The following PCBD1 variants were observed in gnomAD, a reference collection of about 807,000 sequenced individuals.
The protein encoded by PCBD1 is pterin-4-alpha-carbinolamine dehydratase.
In PCBD1, 16 loss-of-function variants were observed where a neutral mutation model predicts 12.6. The observed-to-expected ratio is 1.27, with a 90% CI of 0.86 to 1.93. The LOEUF (loss-of-function observed/expected upper bound fraction) is 1.93, where lower values mean the gene tolerates loss of function less well. PCBD1 is among the 30% of genes most tolerant of loss of function. The pLI is 0.00. For synonymous variants in PCBD1, 53 were observed against 50.2 expected, an observed-to-expected ratio of 1.05 and a Z score of -0.23; for missense variants, 86 against 130.1, an observed-to-expected ratio of 0.66 and a Z score of 1.65.
At chr10:70,887,732 G>A (rs1302863860) in intron 1 of PCBD1, 1 of 152,236 alleles carries the variant, frequency 6.6e-6, no homozygotes, top group Non-Finnish European at 1.5e-5. Flanking sequence ...GGCGAGGTGT[G>A]GGGAGTGGTT....
In PCBD1 at chr10:70,884,962, A is replaced by ATT. The variant is rs149984252; in HGVS notation, c.216+188_216+189dup. ...TTTGCATTTCTTTATAGTAAGACTGATTTTTTTTTCCCAGGGGTATTTATG... is the reference window on the plus strand; with the variant it reads ...TTTGCATTTCTTTATAGTAAGACTGATTTTTTTTTTTCCCAGGGGTATTTATG... On this transcript the variant is annotated intron_variant, in intron 3 of 3. Coordinates refer to ENST00000299299, the MANE Select transcript of PCBD1 (RefSeq NM_000281.4). Among the ~76,000 whole-genome samples the ATT allele has an allele frequency of 5.9e-5, 9 of 151,332 alleles. No homozygotes were observed. The South Asian group carries it at 1.9e-3, about 32-fold the overall frequency.
At chr10:70,885,527 C>T (rs1846568098) in intron 2 of PCBD1, among the ~76,000 whole-genome samples, 1 of 152,226 alleles carries the variant, frequency 6.6e-6, no homozygotes, top group Admixed American at 6.5e-5. Context: ...TGCATGGTTT[C>T]CACTTGAACT....
At chr10:70,885,693 G>T in intron 2 of PCBD1, 105 bp downstream of exon 2, 1 of 1,371,992 alleles carries the variant, frequency 7.3e-7, no homozygotes, top group Non-Finnish European at 1.0e-6. Flanking sequence ...GATGAGTGTG[G>T]TGTCTGAGAG....
Position 70,885,153 on chromosome 10 carries a change from T to G in PCBD1, c.215A>C (p.Lys72Thr). 6.2e-7 allele frequency: 1 copy of G among 1,612,610 alleles called. No individual in the cohort carries two copies. The highest frequency in any genetic ancestry group is 2.2e-5 in the East Asian group (1 of 44,870). The change falls in exon 3 of 4, where the codon AAG (lysine) becomes ACG (threonine). Residue 72 changes from lysine (K) to threonine (T), a missense_variant and splice_region_variant. Coordinates refer to ENST00000299299, the MANE Select transcript of PCBD1 (RefSeq NM_000281.4). ...ACAGAGGCACACAGCATCACTCACC[T>G]TGTTGTACACGTTAAACCATTCAGG... Reference protein sequence around the residue: ...HHPEWFNVYNKVHITLSTHEC... With the variant: ...HHPEWFNVYNTVHITLSTHEC...
intron 2 of PCBD1, 43 bp from the exon 3 acceptor site, chr10:70,885,275 AG>A (rs1846564994): frequency 6.7e-7 from 1 of 1,498,828 alleles, no homozygotes; most frequent in Non-Finnish European, 9.3e-7. Flanking sequence ...TCTAAGAGAA[AG>A]GACTTCTGGA....
intron 3 of PCBD1, 69 bp downstream of exon 3, chr10:70,885,083 C>G (rs895907370): frequency 7.7e-7 from 1 of 1,293,408 alleles, no homozygotes; most frequent in African/African-American, 1.5e-5. Context: ...CAAAAGCCTT[C>G]AGAATGTGTC....
chr10:70,884,887 T>C (rs1310846416), intron 3 of PCBD1, among the ~76,000 whole-genome samples: 1 of 152,206 alleles, frequency 6.6e-6, no homozygotes, highest in East Asian at 1.9e-4. Context: ...GCCTTCTTAA[T>C]GTCTACTTAA....
intron 1 of PCBD1, among the ~76,000 whole-genome samples, chr10:70,886,344 G>A (rs1446081134): frequency 6.6e-6 from 1 of 152,152 alleles, no homozygotes; most frequent in Admixed American, 6.5e-5. Flanking sequence ...CAACCTCTCA[G>A]GAAGAGTACC....
chr10:70,884,078 C>A (rs2131965922), intron 3 of PCBD1, 30 bp from the exon 4 acceptor site: 2 of 1,607,200 alleles, frequency 1.2e-6, no homozygotes, highest in East Asian at 4.5e-5. Flanking sequence ...TCTGCTTCCA[C>A]TGACTTCACT....
At chr10:70,887,349 T>G (rs949594170) in intron 1 of PCBD1, among the ~76,000 whole-genome samples, 1 of 152,186 alleles carries the variant, frequency 6.6e-6, no homozygotes, top group Non-Finnish European at 1.5e-5. Context: ...ACGTGAGCTC[T>G]CTCTGGACTG....
At chr10:70,885,100 CGCAG>C in intron 3 of PCBD1, 48 bp downstream of exon 3, 2 of 1,439,218 alleles carry the variant, frequency 1.4e-6, no homozygotes, top group South Asian at 2.3e-5. Flanking sequence ...TGTCAGAGTT[CGCAG>C]TATTTGGATG....
At chr10:70,886,511 G>A (rs1277885084) in intron 1 of PCBD1, among the ~76,000 whole-genome samples, 2 of 152,314 alleles carry the variant, frequency 1.3e-5, no homozygotes, top group African/African-American at 4.8e-5. Context: ...CAGTGATGGC[G>A]CAGTGTTGTC....
intron 1 of PCBD1, chr10:70,888,232 G>T (rs367751180): frequency 1.4e-4 from 44 of 316,756 alleles, no homozygotes; most frequent in African/African-American, 9.5e-4. Context: ...TGTCTTCCCC[G>T]GCCCAGGAAG....
chr10:70,885,065 G>A (rs2131967185), intron 3 of PCBD1, 87 bp downstream of exon 3: 1 of 1,095,230 alleles, frequency 9.1e-7, no homozygotes, highest in Middle Eastern at 2.9e-4. Flanking sequence ...AAGGCTCATT[G>A]TTAAGTCCAA....
chr10:70,885,048 G>A, intron 3 of PCBD1, 104 bp downstream of exon 3: 1 of 890,894 alleles, frequency 1.1e-6, no homozygotes, highest in South Asian at 1.3e-5. Flanking sequence ...ATGACCTATG[G>A]GTCAGGAAGG....
chr10:70,884,147 G>A, intron 3 of PCBD1, 99 bp from the exon 4 acceptor site: 1 of 1,236,598 alleles, frequency 8.1e-7, no homozygotes, highest in South Asian at 1.3e-5. Context: ...CTCCAGAATA[G>A]CAGCTGGCCA....
At position 70,883,965 on chromosome 10, in the gene PCBD1, T is replaced by G. The variant is rs1220297986; in HGVS notation, c.300A>C (p.Ala100=). 5 of 1,614,002 alleles carry G rather than the reference T, an allele frequency of 3.1e-6. No individual in the cohort carries two copies. Among genetic ancestry groups the G allele is most frequent in the Non-Finnish European group, 4.2e-6 (5 of 1,179,998 alleles). ...INLASFIEQV[A]VSMT The stretch of plus-strand genomic sequence containing the variant: ...AGGGCAGGGTCTATGTCATGGACAC[T>G]GCTACTTGTTCGATGAAGCTGGCCA... Residue 100 remains alanine (A), a synonymous_variant, in exon 4 of 4, where the codon GCA becomes GCC. Coordinates refer to ENST00000299299, the MANE Select transcript of PCBD1 (RefSeq NM_000281.4).
In PCBD1 at chr10:70,885,150, A is replaced by T; in HGVS notation, c.216+2T>A. 6.2e-7 allele frequency: 1 copy of T among 1,611,950 alleles called. No homozygotes were observed. The highest frequency in any genetic ancestry group is 8.5e-7 in the Non-Finnish European group (1 of 1,178,550). ...ACAACAGAGGCACACAGCATCACTC[A>T]CCTTGTTGTACACGTTAAACCATTC... On this transcript the variant is annotated splice_donor_variant, in intron 3 of 3. Transcript: ENST00000299299. LOFTEE classifies it high-confidence loss of function.
At chr10:70,885,335 C>A in intron 2 of PCBD1, 103 bp from the exon 3 acceptor site, 1 of 801,776 alleles carries the variant, frequency 1.2e-6, no homozygotes, top group South Asian at 1.4e-5. Context: ...AGCTTCCCCC[C>A]AGGAGACTCC....
Sources: gnomAD v4.1 joint callset for allele counts (sites outside exome capture counted in the v4.1 genomes callset) on GRCh38, gnomAD v4.1.1 for gene constraint, MANE v1.5 for transcripts, NCBI Gene and HGNC (gene_info 2026-07-23, HGNC 2026-07-21) for gene names.